COL25A1: variants seen among roughly 807,000 people sequenced by gnomAD.
The protein encoded by COL25A1 is collagen alpha-1(XXV) chain.
A neutral mutation model predicts 128.4 loss-of-function variants in COL25A1; 103 were observed. That is an observed-to-expected ratio of 0.80 (90% CI 0.68 to 0.94). COL25A1 has a LOEUF of 0.94. Ranked by LOEUF, COL25A1 falls within the 40% of genes least tolerant of loss-of-function variation. COL25A1 has a pLI of 0.00. For synonymous variants in COL25A1, 279 were observed against 277.2 expected (o/e 1.01, Z -0.06); for missense variants, 745 against 840.0 (o/e 0.89, Z 1.40).
At chr4:108,818,985 G>GA (rs1335188140) in intron 36 of COL25A1, among the ~76,000 whole-genome samples, 1 of 151,662 alleles carries the variant, frequency 6.6e-6, no homozygotes, top group Admixed American at 6.6e-5. Flanking sequence ...AATATTTATT[G>GA]AAAAAATTAA....
At chr4:109,300,181 CA>C (rs11404203) in intron 3 of COL25A1, among the ~76,000 whole-genome samples, 17,617 of 125,962 alleles carry the variant, frequency 0.14, 2,914 homozygotes, top group African/African-American at 0.41. Flanking sequence ...TAAACCAAAA[CA>C]AAAAAAAAAA....
chr4:109,076,912 G>A (rs1016421823), intron 3 of COL25A1, among the ~76,000 whole-genome samples: 3 of 152,138 alleles, frequency 2.0e-5, no homozygotes, highest in African/African-American at 7.2e-5. Flanking sequence ...AGGCAGTAAT[G>A]CAAGCAATGG....
In COL25A1 at chr4:108,886,488, G is replaced by GTTTTTTTTTTT. The variant is rs1413657808; in HGVS notation, c.976-2267_976-2266insAAAAAAAAAAA. Among the ~76,000 whole-genome samples the GTTTTTTTTTTT allele has an allele frequency of 1.2e-4, 6 of 49,426 alleles. 1 individual carries two copies. Among genetic ancestry groups the GTTTTTTTTTTT allele is most frequent in the African/African-American group, 3.9e-4 (6 of 15,440 alleles). The allele number at this position is 49,426 out of a possible 152,430, so 32.4% of individuals were successfully genotyped here. A position where few individuals can be genotyped will look rare whatever the true frequency, so the allele number is the denominator to read the frequency against. ...TGTGTGTGTGTGTGTGTGTGTGTGT[G>GTTTTTTTTTTT]TGTGTTTAGCTCATCAGCTATTTTA... On this transcript the variant is annotated intron_variant, in intron 18 of 37. Coordinates refer to ENST00000399132, the MANE Select transcript of COL25A1 (RefSeq NM_198721.4).
intron 6 of COL25A1, among the ~76,000 whole-genome samples, chr4:109,000,849 C>A: frequency 6.7e-6 from 1 of 149,460 alleles, no homozygotes; most frequent in Non-Finnish European, 1.5e-5. Flanking sequence ...GTAAAGACTT[C>A]TTAATAGAAG....
At chr4:108,905,532 TAAA>T (rs1207098719) in intron 13 of COL25A1, among the ~76,000 whole-genome samples, 3 of 150,318 alleles carry the variant, frequency 2.0e-5, no homozygotes, top group African/African-American at 7.3e-5. Flanking sequence ...AAAATAAAAA[TAAA>T]AATAATAATA....
intron 8 of COL25A1, among the ~76,000 whole-genome samples, chr4:108,945,124 A>C (rs998674945): frequency 1.3e-5 from 2 of 152,222 alleles, no homozygotes; most frequent in Non-Finnish European, 1.5e-5. Flanking sequence ...AATATGGTAC[A>C]TCTTCCTAAA....
At chr4:109,104,822 G>A (rs1766262845) in intron 3 of COL25A1, among the ~76,000 whole-genome samples, 2 of 152,000 alleles carry the variant, frequency 1.3e-5, no homozygotes, top group Admixed American at 6.6e-5. Flanking sequence ...TAAAATAACT[G>A]CTAAATATTA....
intron 3 of COL25A1, among the ~76,000 whole-genome samples, chr4:109,197,185 G>A (rs1011944850): frequency 1.3e-5 from 2 of 150,004 alleles, no homozygotes; most frequent in African/African-American, 2.5e-5. Context: ...AATTAGCCAG[G>A]TGTGGCGGTG....
intron 3 of COL25A1, among the ~76,000 whole-genome samples, chr4:109,094,348 T>G (rs932889571): frequency 6.6e-6 from 1 of 152,206 alleles, no homozygotes; most frequent in Non-Finnish European, 1.5e-5. Context: ...TTAATTTTCC[T>G]CCTTTCCATT....
chr4:108,962,035 T>C (rs1750768905), intron 8 of COL25A1, among the ~76,000 whole-genome samples: 1 of 152,222 alleles, frequency 6.6e-6, no homozygotes, highest in Non-Finnish European at 1.5e-5. Context: ...AATTACCACC[T>C]GTTGTTCTCT....
intron 5 of COL25A1, among the ~76,000 whole-genome samples, chr4:109,041,902 T>G (rs968609): frequency 0.5 from 76,377 of 151,826 alleles, 21,304 homozygotes; most frequent in African/African-American, 0.73. Context: ...AAATGAATTT[T>G]TACTATGGTA....
At position 108,841,714 on chromosome 4, in the gene COL25A1, T is replaced by C. The variant is rs1734482544; in HGVS notation, c.1637A>G (p.His546Arg). 12 of 1,611,434 alleles carry C rather than the reference T, an allele frequency of 7.4e-6. No homozygotes were observed. In the East Asian group the frequency reaches 2.2e-4, roughly 30 times the overall value. ...GATTACCTTTGGTCCAGGAAGTCCA[T>C]GAGGTCCCTGAAAATGGAAAACAGA... ...PHGPPGPMGP[H>R]GLPGPKGTDG... Residue 546 changes from histidine (H) to arginine (R), a missense_variant, in exon 31 of 38, where the codon CAT (histidine) becomes CGT (arginine). Around this residue, in one of 3 missense-constraint regions of COL25A1, gnomAD observed 387 missense variants for 441.9 expected, o/e 0.88. Transcript: ENST00000399132.
intron 8 of COL25A1, among the ~76,000 whole-genome samples, chr4:108,942,749 C>CTTTT (rs746618908): frequency 2.3e-4 from 16 of 69,958 alleles, no homozygotes; most frequent in Non-Finnish European, 3.2e-4. Flanking sequence ...CACATCTGGA[C>CTTTT]TTTTTTTTTT....
intron 35 of COL25A1, among the ~76,000 whole-genome samples, chr4:108,822,695 G>A (rs1437094526): frequency 1.3e-5 from 2 of 151,954 alleles, no homozygotes; most frequent in Non-Finnish European, 1.5e-5. Context: ...CAAAGCACTG[G>A]GATTATAGGC....
intron 3 of COL25A1, among the ~76,000 whole-genome samples, chr4:109,103,344 C>A (rs1018391302): frequency 6.6e-6 from 1 of 151,348 alleles, no homozygotes; most frequent in East Asian, 2.0e-4. Flanking sequence ...AGTGAGACTG[C>A]AATCAATGCT....
intron 3 of COL25A1, among the ~76,000 whole-genome samples, chr4:109,107,455 T>C (rs1262555519): frequency 6.6e-6 from 1 of 152,176 alleles, no homozygotes; most frequent in Non-Finnish European, 1.5e-5. Context: ...TTTTGAGCTG[T>C]GATATAACAT....
rs574449809 is a variant in COL25A1, at chr4:109,270,770, T to C, written c.367+29813A>G. ...ATATTTTTTGAGACTATACTATGTG[T>C]CAGGTCCTGTGTTAGGCACCTGGAA... On this transcript the variant is annotated intron_variant, in intron 3 of 37. Coordinates refer to ENST00000399132, the MANE Select transcript of COL25A1 (RefSeq NM_198721.4). Among the ~76,000 whole-genome samples, 5 of 152,300 alleles carry C rather than the reference T, an allele frequency of 3.3e-5. No individual in the cohort carries two copies. In the East Asian group the frequency reaches 9.6e-4, roughly 29 times the overall value.
chr4:109,056,620 T>C (rs1761469131), intron 3 of COL25A1, among the ~76,000 whole-genome samples: 1 of 141,192 alleles, frequency 7.1e-6, no homozygotes, highest in Non-Finnish European at 1.5e-5. Context: ...ATAAAGCCCA[T>C]GGAAGGTACA....
At chr4:108,871,530 A>G (rs1172015658) in intron 19 of COL25A1, among the ~76,000 whole-genome samples, 1 of 152,010 alleles carries the variant, frequency 6.6e-6, no homozygotes, top group East Asian at 1.9e-4. Flanking sequence ...GTTAGCCAGG[A>G]TGGTCTCGAT....
Sources: allele counts gnomAD v4.1 joint callset (sites outside exome capture counted in the v4.1 genomes callset), GRCh38; gene constraint gnomAD v4.1.1; regional missense constraint gnomAD v4.1.1; transcripts MANE v1.5; gene names NCBI Gene and HGNC (gene_info 2026-07-23, HGNC 2026-07-21).